LRRFIP2: variants seen among roughly 807,000 people sequenced by gnomAD.
LRRFIP2 encodes the protein leucine-rich repeat flightless-interacting protein 2.
LRRFIP2 carries 109 observed loss-of-function variants against 125.9 expected under a neutral mutation model. The observed-to-expected ratio is 0.87, with a 90% CI of 0.74 to 1.01. LRRFIP2 has a LOEUF of 1.01. Among genes scored for constraint, LRRFIP2 ranks in the 50% least tolerant of loss-of-function variants. The pLI is 0.00. For synonymous variants in LRRFIP2, 291 were observed against 293.1 expected (o/e 0.99, Z 0.07); for missense variants, 850 against 862.3 (o/e 0.99, Z 0.18).
In LRRFIP2 at chr3:37,102,971, T is replaced by A. The variant is rs749251947; in HGVS notation, c.826A>T (p.Ser276Cys). 6.4e-7 allele frequency: 1 copy of A among 1,566,456 alleles called. No homozygotes were observed. The change falls in exon 15 of 28, where the codon AGT becomes TGT. Residue 276 changes from serine (S) to cysteine (C), a missense_variant. Physicochemically the swap from Ser to Cys is moderately radical, Grantham distance 112 (BLOSUM62 -1). Coordinates refer to ENST00000336686, the MANE Select transcript of LRRFIP2 (RefSeq NM_006309.4). ...DYFSRSNRRG[S>C]VVSEVDDISI... ...ATATCATCCACCTCAGAGACAACACTTCCCCTACGATTGGAGCGACTGAAA... is the reference window on the plus strand; with the variant it reads ...ATATCATCCACCTCAGAGACAACACATCCCCTACGATTGGAGCGACTGAAA...
Position 37,066,316 on chromosome 3 carries a change from T to C in LRRFIP2, c.1474A>G (p.Lys492Glu). Reference sequence around the variant, plus strand: ...AGGCAGGCAATGTATTCTTTCTGTTTCTCTAGGGCCTGGTTTTAGGTAAGG... The same window carrying C: ...AGGCAGGCAATGTATTCTTTCTGTTCCTCTAGGGCCTGGTTTTAGGTAAGG... ...WKDKKIGALE[K>E]QKEYIACLRN... The change falls in exon 22 of 28, where the codon AAA (lysine) becomes GAA (glutamate). Residue 492 changes from lysine (K) to glutamate (E), a missense_variant. Coordinates refer to ENST00000336686, the MANE Select transcript of LRRFIP2 (RefSeq NM_006309.4). 1 of 1,613,950 alleles carries C rather than the reference T, an allele frequency of 6.2e-7. No individual in the cohort carries two copies. The highest frequency in any genetic ancestry group is 8.5e-7 in the Non-Finnish European group (1 of 1,179,842).
chr3:37,167,609 G>A lies in LRRFIP2; in HGVS notation c.-56+6930C>T, dbSNP rs1298013051. Among the ~76,000 whole-genome samples the A allele has an allele frequency of 2.7e-5, 4 of 149,080 alleles. No individual in the cohort carries two copies. In the East Asian group the frequency reaches 6.0e-4, roughly 22 times the overall value. ...GGAGAGGTTGCAGTGAGCCGAGATCGCGCCACTGCACTCTAGCCTAGGCAA... is the reference window on the plus strand; with the variant it reads ...GGAGAGGTTGCAGTGAGCCGAGATCACGCCACTGCACTCTAGCCTAGGCAA... On this transcript the variant is annotated intron_variant, in intron 1 of 27. Transcript: ENST00000336686.
intron 15 of LRRFIP2, among the ~76,000 whole-genome samples, chr3:37,097,192 T>C (rs1403199201): frequency 6.9e-6 from 1 of 144,280 alleles, no homozygotes; most frequent in Admixed American, 7.0e-5. Context: ...TACATGCACA[T>C]GACCAAAAAA....
intron 1 of LRRFIP2, among the ~76,000 whole-genome samples, chr3:37,166,182 T>C (rs999378084): frequency 6.6e-6 from 1 of 151,764 alleles, no homozygotes. Flanking sequence ...ATACAAAAAT[T>C]AGCCAGGCAT....
At chr3:37,113,023 G>C (rs187634040) in intron 7 of LRRFIP2, 43 bp from the exon 8 acceptor site, 301 of 1,112,268 alleles carry the variant, frequency 2.7e-4, no homozygotes, top group Middle Eastern at 2.0e-3. Context: ...ATTGCATAGC[G>C]AAGTTATGAA....
At chr3:37,067,207 GT>G (rs1263217314) in intron 21 of LRRFIP2, 2 of 152,194 alleles carry the variant, frequency 1.3e-5, no homozygotes, top group African/African-American at 4.8e-5. Flanking sequence ...GGAGAATCAG[GT>G]TGGTGATTTC....
At chr3:37,064,955 T>C (rs2089801250) in intron 23 of LRRFIP2, 1 of 152,480 alleles carries the variant, frequency 6.6e-6, no homozygotes, top group Non-Finnish European at 1.5e-5. Flanking sequence ...TCCTGTTTTA[T>C]TCAAAGTGCC....
At chr3:37,111,883 A>G (rs2094557302) in intron 8 of LRRFIP2, 1 of 152,328 alleles carries the variant, frequency 6.6e-6, no homozygotes, top group South Asian at 2.1e-4. Context: ...TTTCCTCCCC[A>G]TTACATTCTC....
intron 13 of LRRFIP2, 67 bp from the exon 14 acceptor site, chr3:37,105,590 A>G: frequency 8.5e-7 from 1 of 1,175,502 alleles, no homozygotes; most frequent in Non-Finnish European, 1.3e-6. Context: ...CATTATAAGT[A>G]CATTAAGGAA....
chr3:37,116,158 T>C (rs1031593796), intron 6 of LRRFIP2, among the ~76,000 whole-genome samples: 1 of 152,156 alleles, frequency 6.6e-6, no homozygotes, highest in African/African-American at 2.4e-5. Context: ...AGGGTTTCAC[T>C]CTTTTGCCCA....
At chr3:37,165,352 G>A (rs952979224) in intron 1 of LRRFIP2, among the ~76,000 whole-genome samples, 5 of 150,982 alleles carry the variant, frequency 3.3e-5, no homozygotes, top group Admixed American at 6.6e-5. Flanking sequence ...GTTTCATCCC[G>A]AAACCAACCC....
chr3:37,165,495 G>A (rs567709865), intron 1 of LRRFIP2, among the ~76,000 whole-genome samples: 16 of 151,896 alleles, frequency 1.1e-4, no homozygotes, highest in Admixed American at 3.9e-4. Context: ...GGTGGCTAAC[G>A]CCTATAATCC....
intron 9 of LRRFIP2, among the ~76,000 whole-genome samples, chr3:37,110,790 G>C (rs1000172860): frequency 2.0e-5 from 3 of 152,038 alleles, no homozygotes; most frequent in Non-Finnish European, 4.4e-5. Context: ...GTCTTTAATG[G>C]TACTGATTTA....
chr3:37,073,851 G>A (rs572364097), intron 20 of LRRFIP2, among the ~76,000 whole-genome samples: 56 of 152,184 alleles, frequency 3.7e-4, no homozygotes, highest in African/African-American at 1.3e-3. Flanking sequence ...TATTTTATGT[G>A]GTTGGCATTT....
chr3:37,067,355 C>G (rs1423944476), intron 21 of LRRFIP2: 1 of 152,088 alleles, frequency 6.6e-6, no homozygotes, highest in East Asian at 1.9e-4. Flanking sequence ...AAGAAAATAA[C>G]CCAGAATTAA....
chr3:37,141,334 T>C (rs1458775061), intron 2 of LRRFIP2, among the ~76,000 whole-genome samples: 1 of 152,214 alleles, frequency 6.6e-6, no homozygotes, highest in Non-Finnish European at 1.5e-5. Flanking sequence ...AATCCTTTCA[T>C]GATTGGTCCC....
intron 2 of LRRFIP2, among the ~76,000 whole-genome samples, chr3:37,141,147 T>C (rs765262036): frequency 6.6e-6 from 1 of 152,180 alleles, no homozygotes; most frequent in South Asian, 2.1e-4. Flanking sequence ...CAAGACCCTG[T>C]TTCAAAAAAT....
At chr3:37,133,404 T>C (rs1317163680) in intron 2 of LRRFIP2, among the ~76,000 whole-genome samples, 2 of 152,184 alleles carry the variant, frequency 1.3e-5, no homozygotes, top group South Asian at 2.1e-4. Context: ...ACAACCCAAA[T>C]ATCTATCAAT....
At chr3:37,124,023 C>T (rs955138255) in intron 4 of LRRFIP2, among the ~76,000 whole-genome samples, 1 of 152,080 alleles carries the variant, frequency 6.6e-6, no homozygotes, top group Non-Finnish European at 1.5e-5. Context: ...AAAATATAAA[C>T]CCCCATACAG....
Sources: allele counts gnomAD v4.1 joint callset (sites outside exome capture counted in the v4.1 genomes callset), GRCh38; gene constraint gnomAD v4.1.1; transcripts MANE v1.5; gene names NCBI Gene and HGNC (gene_info 2026-07-23, HGNC 2026-07-21).